TTC28: variants seen among roughly 807,000 people sequenced by gnomAD.
The protein encoded by TTC28 is tetratricopeptide repeat protein 28.
TTC28 carries 61 observed loss-of-function variants against 198.0 expected under a neutral mutation model. The ratio of observed to expected loss-of-function variants is 0.31; its 90% CI spans 0.25 to 0.38. The LOEUF (loss-of-function observed/expected upper bound fraction) is 0.38. Among genes scored for constraint, TTC28 ranks in the 10% least tolerant of loss-of-function variants. The pLI, the probability that TTC28 is intolerant of heterozygous loss-of-function variation, is 1.00. For synonymous variants in TTC28, 1,171 were observed against 1,297.8 expected (o/e 0.90, Z 2.10); for missense variants, 2,678 against 3,164.0 (o/e 0.85, Z 3.69).
intron 5 of TTC28, among the ~76,000 whole-genome samples, chr22:28,206,396 G>A (rs530842713): frequency 6.6e-6 from 1 of 152,226 alleles, no homozygotes; most frequent in African/African-American, 2.4e-5. Context: ...GACGAAATAT[G>A]TCCACTTTCT....
chr22:28,229,727 C>T (rs1170385426), intron 5 of TTC28, among the ~76,000 whole-genome samples: 1 of 152,068 alleles, frequency 6.6e-6, no homozygotes. Context: ...GAGTTAAGAA[C>T]AGTCATCCAG....
At chr22:28,604,297 T>TATATATATATATATATATATATATATATA (rs1053139903) in intron 2 of TTC28, among the ~76,000 whole-genome samples, 17 of 114,080 alleles carry the variant, frequency 1.5e-4, no homozygotes, top group African/African-American at 2.1e-4. Flanking sequence ...AAAAAAAAAA[T>TATATATATATATATATATATATATATATA]TATATATATA....
At chr22:28,279,260 T>C (rs2044532881) in intron 5 of TTC28, among the ~76,000 whole-genome samples, 2 of 152,232 alleles carry the variant, frequency 1.3e-5, no homozygotes, top group South Asian at 4.1e-4. Context: ...GACATTAGTA[T>C]ACTTTACCCC....
chr22:28,365,294 T>C (rs2046229588), intron 2 of TTC28, among the ~76,000 whole-genome samples: 1 of 152,236 alleles, frequency 6.6e-6, no homozygotes, highest in African/African-American at 2.4e-5. Context: ...AACATAACTT[T>C]TATATGCACT....
intron 2 of TTC28, among the ~76,000 whole-genome samples, chr22:28,596,464 T>G: frequency 6.6e-6 from 1 of 152,234 alleles, no homozygotes. Context: ...TTATTTGAAT[T>G]GCTGTATTTG....
rs1465282302 is a variant in TTC28, at chr22:28,165,477, C to T, written c.934-1878G>A. On this transcript the variant is annotated intron_variant, in intron 5 of 22. Transcript: ENST00000397906. ...GAAGCCCATCAGACTAACAGCTGAT[C>T]TCAGGACAGAAACTCTACAAGCCAG... Among the ~76,000 whole-genome samples the T allele has an allele frequency of 4.0e-5, 6 of 150,586 alleles. No individual in the cohort carries two copies. The East Asian group carries it at 1.2e-3, about 29-fold the overall frequency.
intron 2 of TTC28, among the ~76,000 whole-genome samples, chr22:28,464,928 A>C (rs1303958492): frequency 1.3e-5 from 2 of 152,168 alleles, no homozygotes; most frequent in Non-Finnish European, 2.9e-5. Flanking sequence ...CAACTCACGA[A>C]AGAACTTGAA....
At position 28,306,208 on chromosome 22, in the gene TTC28, AG is replaced by A. The variant is rs2045142182; in HGVS notation, c.529+287del. Reference sequence around the variant, plus strand: ...ATAAGGGTTTTTAAATAATCCCGAAAGCCAAAGAAGTTGATCCATTTACCCA... The same window carrying A: ...ATAAGGGTTTTTAAATAATCCCGAAACCAAAGAAGTTGATCCATTTACCCA... On this transcript the variant is annotated intron_variant, in intron 3 of 22. Transcript: ENST00000397906. 2.6e-5 allele frequency among the ~76,000 whole-genome samples: 4 copies of A among 152,194 alleles called. No homozygotes were observed. The South Asian group carries it at 8.3e-4, about 32-fold the overall frequency.
At chr22:28,451,231 A>G (rs754639848) in intron 2 of TTC28, among the ~76,000 whole-genome samples, 17 of 152,198 alleles carry the variant, frequency 1.1e-4, no homozygotes, top group Admixed American at 2.6e-4. Flanking sequence ...GAGTGACGGG[A>G]TATCATTGAA....
intron 2 of TTC28, among the ~76,000 whole-genome samples, chr22:28,460,706 T>TG (rs112021525): frequency 0.02 from 2,966 of 151,680 alleles, 32 homozygotes; most frequent in Non-Finnish European, 0.027. Flanking sequence ...CAGATTGAGA[T>TG]GGGGTCTCAC....
rs10483145 is a variant in TTC28 at position 28,180,972 on chromosome 22, G to A, written c.934-17373C>T. On this transcript the variant is annotated intron_variant, in intron 5 of 22. Coordinates refer to ENST00000397906, the MANE Select transcript of TTC28 (RefSeq NM_001145418.2). The stretch of plus-strand genomic sequence containing the variant: ...GGAGGGATATTTTGCAATCCTTACT[G>A]AAAAGAAAACAGTGATTTGTACATA... 3.4e-3 allele frequency among the ~76,000 whole-genome samples: 522 copies of A among 152,228 alleles called. 2 individuals are homozygous for A. The highest frequency in any genetic ancestry group is 9.9e-3 in the East Asian group (51 of 5,174).
intron 2 of TTC28, among the ~76,000 whole-genome samples, chr22:28,447,563 A>C (rs1288090210): frequency 1.3e-5 from 2 of 152,134 alleles, no homozygotes; most frequent in Non-Finnish European, 2.9e-5. Context: ...AGTATTTCCT[A>C]ATCTGTTGGG....
intron 12 of TTC28, among the ~76,000 whole-genome samples, chr22:28,079,862 G>T (rs988220128): frequency 6.6e-6 from 1 of 152,142 alleles, no homozygotes; most frequent in Non-Finnish European, 1.5e-5. Context: ...CTGAGTAGCT[G>T]GTACTATAGG....
chr22:28,225,368 A>AAAGAAGAAG (rs148306183), intron 5 of TTC28, among the ~76,000 whole-genome samples: 3,625 of 143,138 alleles, frequency 0.025, 82 homozygotes, highest in Admixed American at 0.079. Flanking sequence ...AAAAAAAAGA[A>AAAGAAGAAG]AAGAAGAAGA....
chr22:28,235,259 A>G (rs779115252), intron 5 of TTC28, among the ~76,000 whole-genome samples: 12 of 152,182 alleles, frequency 7.9e-5, no homozygotes, highest in Non-Finnish European at 1.3e-4. Flanking sequence ...GAGACCAGAG[A>G]AGAAAGTAAT....
intron 13 of TTC28, among the ~76,000 whole-genome samples, chr22:28,016,129 G>A (rs57277344): frequency 6.6e-6 from 1 of 152,126 alleles, no homozygotes; most frequent in African/African-American, 2.4e-5. Context: ...GAAAAGCAGA[G>A]CAGCAGGACT....
chr22:28,283,083 G>C (rs34962554), intron 5 of TTC28, among the ~76,000 whole-genome samples: 1 of 151,888 alleles, frequency 6.6e-6, no homozygotes, highest in Non-Finnish European at 1.5e-5. Context: ...TCCATTCTTC[G>C]CAAGCATTTC....
intron 5 of TTC28, among the ~76,000 whole-genome samples, chr22:28,238,406 T>A (rs1929411070): frequency 6.6e-6 from 1 of 152,200 alleles, no homozygotes; most frequent in Admixed American, 6.5e-5. Context: ...ATTTTTCCAA[T>A]CCAGAAGTTT....
At chr22:28,425,034 T>C (rs1241676499) in intron 2 of TTC28, among the ~76,000 whole-genome samples, 1 of 152,236 alleles carries the variant, frequency 6.6e-6, no homozygotes, top group Admixed American at 6.5e-5. Flanking sequence ...TAAGTCACTG[T>C]ACATATAAAT....
Sources: gnomAD v4.1 joint callset for allele counts (sites outside exome capture counted in the v4.1 genomes callset) on GRCh38, gnomAD v4.1.1 for gene constraint, MANE v1.5 for transcripts, NCBI Gene and HGNC (gene_info 2026-07-23, HGNC 2026-07-21) for gene names.